The following GABRA1 variants were observed in gnomAD, a reference collection of about 807,000 sequenced individuals.
GABRA1 encodes gamma-aminobutyric acid receptor subunit alpha-1.
A neutral mutation model predicts 48.9 loss-of-function variants in GABRA1; 9 were observed. The observed-to-expected ratio is 0.18, with a 90% CI of 0.11 to 0.32. The LOEUF is 0.32. Among genes scored for constraint, GABRA1 ranks in the 10% least tolerant of loss-of-function variants. The probability of loss-of-function intolerance (pLI) is 1.00; values close to 1 mark genes in which losing one functional copy is unlikely to be tolerated. For missense variants in GABRA1, 285 were observed against 553.8 expected (o/e 0.51, Z 4.87); for synonymous variants, 210 against 198.7 (o/e 1.06, Z -0.48).
intron 6 of GABRA1, among the ~76,000 whole-genome samples, chr5:161,875,949 A>G (rs1366253527): frequency 2.0e-5 from 3 of 152,148 alleles, no homozygotes; most frequent in Non-Finnish European, 2.9e-5. Flanking sequence ...CATGGATAAT[A>G]TTTTCCTCTC....
At chr5:161,861,106 A>C (rs2113336370) in intron 3 of GABRA1, among the ~76,000 whole-genome samples, 1 of 151,882 alleles carries the variant, frequency 6.6e-6, no homozygotes. Context: ...GTATTGGCAT[A>C]TTTCTGTAAG....
rs551178999 is a variant in GABRA1 at position 161,875,914 on chromosome 5, A to G, written c.559+272A>G. Among the ~76,000 whole-genome samples, 170 of 152,310 alleles carry G rather than the reference A, an allele frequency of 1.1e-3. 1 individual carries two copies. Among genetic ancestry groups the G allele is most frequent in the African/African-American group, 4.0e-3 (166 of 41,586 alleles). On this transcript the variant is annotated intron_variant, in intron 6 of 9. Coordinates refer to ENST00000393943, the MANE Select transcript of GABRA1 (RefSeq NM_001127644.2). ...GCTGAATTTGTATTTATAGAAAAAG[A>G]AGTGAAGTATGGATGCTTCTACCTC...
intron 6 of GABRA1, among the ~76,000 whole-genome samples, chr5:161,881,240 TA>T (rs1215302246): frequency 6.6e-6 from 1 of 152,152 alleles, no homozygotes; most frequent in Non-Finnish European, 1.5e-5. Context: ...TTGCTTTTTC[TA>T]AAGTGATATT....
chr5:161,890,084 G>A (rs759227519), intron 7 of GABRA1, among the ~76,000 whole-genome samples: 2 of 151,884 alleles, frequency 1.3e-5, no homozygotes, highest in Non-Finnish European at 2.9e-5. Context: ...GAAACAATAA[G>A]ACTCTCCTGC....
intron 4 of GABRA1, among the ~76,000 whole-genome samples, chr5:161,871,194 T>C (rs954967653): frequency 1.3e-5 from 2 of 152,108 alleles, no homozygotes; most frequent in African/African-American, 4.8e-5. Flanking sequence ...CTAGTTTCAG[T>C]TTAGTTTATA....
chr5:161,872,788 G>T (rs1754179616), intron 4 of GABRA1, among the ~76,000 whole-genome samples: 1 of 152,032 alleles, frequency 6.6e-6, no homozygotes, highest in Non-Finnish European at 1.5e-5. Flanking sequence ...TTTTAAAATT[G>T]TGATATATTC....
chr5:161,862,423 T>C (rs1757898625), intron 3 of GABRA1, among the ~76,000 whole-genome samples: 1 of 151,928 alleles, frequency 6.6e-6, no homozygotes, highest in Non-Finnish European at 1.5e-5. Context: ...CTCTCCTTAA[T>C]GTATTTCCCT....
At chr5:161,855,949 T>G (rs2113314314) in intron 3 of GABRA1, among the ~76,000 whole-genome samples, 1 of 151,506 alleles carries the variant, frequency 6.6e-6, no homozygotes, top group South Asian at 2.1e-4. Flanking sequence ...GTGCATCATC[T>G]TCAATTTATT....
upstream of GABRA1, chr5:161,847,932 C>G (rs560080655): frequency 1.3e-5 from 2 of 152,058 alleles, no homozygotes; most frequent in African/African-American, 4.8e-5. Context: ...GCCGCTCCCC[C>G]CAAAAAGAGA....
At chr5:161,852,843 A>T (rs1405344306) in intron 2 of GABRA1, among the ~76,000 whole-genome samples, 1 of 151,972 alleles carries the variant, frequency 6.6e-6, no homozygotes, top group Non-Finnish European at 1.5e-5. Flanking sequence ...TTTTGCCGAT[A>T]CGAAATTAAT....
In GABRA1 at chr5:161,897,527, T is replaced by G; in HGVS notation, c.*105T>G. On this transcript the variant is annotated 3_prime_UTR_variant, in exon 10 of 10. Transcript: ENST00000393943. ...TTTATTGCCTCTGTCTTAAAGAATT[T>G]GAAAGTTTCCTTATTTTCATAATTC... 5.3e-6 allele frequency: 6 copies of G among 1,127,256 alleles called. No homozygotes were observed. Among genetic ancestry groups the G allele is most frequent in the Non-Finnish European group, 7.9e-6 (6 of 763,866 alleles). 69.8% of individuals were successfully genotyped at this position (1,127,256 alleles called of 1,614,324 possible). A position where few individuals can be genotyped will look rare whatever the true frequency, so the allele number is the denominator to read the frequency against.
At chr5:161,853,891 G>C (rs955753491) in intron 2 of GABRA1, among the ~76,000 whole-genome samples, 1 of 151,652 alleles carries the variant, frequency 6.6e-6, no homozygotes, top group Non-Finnish European at 1.5e-5. Context: ...GCATTGCAAC[G>C]TAATAAACAT....
chr5:161,851,481 ATCAT>A (rs1255484477), intron 2 of GABRA1, among the ~76,000 whole-genome samples: 3 of 152,280 alleles, frequency 2.0e-5, no homozygotes, highest in Admixed American at 2.0e-4. Flanking sequence ...ATAAAGCTTA[ATCAT>A]AGTCAAAATA....
intron 4 of GABRA1, among the ~76,000 whole-genome samples, chr5:161,872,553 G>A (rs558936379): frequency 6.6e-6 from 1 of 152,108 alleles, no homozygotes; most frequent in East Asian, 1.9e-4. Context: ...TAATGTGTAG[G>A]ATAATTGAAA....
At chr5:161,866,908 G>T (rs1020499343) in intron 4 of GABRA1, among the ~76,000 whole-genome samples, 2 of 152,100 alleles carry the variant, frequency 1.3e-5, no homozygotes, top group African/African-American at 4.8e-5. Context: ...AACTAAGAAT[G>T]CAGATTTCTG....
intron 6 of GABRA1, among the ~76,000 whole-genome samples, chr5:161,878,953 A>G (rs183298036): frequency 6.6e-6 from 1 of 152,330 alleles, no homozygotes; most frequent in Non-Finnish European, 1.5e-5. Flanking sequence ...CATTTTGTTC[A>G]TGTGGCTCAT....
intron 7 of GABRA1, among the ~76,000 whole-genome samples, chr5:161,887,799 T>G (rs974672301): frequency 1.8e-4 from 28 of 152,120 alleles, no homozygotes; most frequent in Admixed American, 8.5e-4. Context: ...ACTGTAAATG[T>G]CCATAGAAAT....
rs770530140 is a variant in GABRA1 at position 161,850,787 on chromosome 5, A to T, written c.-15-9A>T. ...AGAGACATTGATCTCTACTTATTCT[A>T]CTTTTCAGCTGCTCCAGCCCGCGAT... On this transcript the variant is annotated splice_polypyrimidine_tract_variant and intron_variant, in intron 1 of 9. Coordinates refer to ENST00000393943, the MANE Select transcript of GABRA1 (RefSeq NM_001127644.2). 9 of 1,611,430 alleles carry T rather than the reference A, an allele frequency of 5.6e-6. No homozygotes were observed. Among genetic ancestry groups the T allele is most frequent in the African/African-American group, 1.3e-5 (1 of 74,790 alleles).
intron 7 of GABRA1, among the ~76,000 whole-genome samples, chr5:161,884,527 T>A (rs965245695): frequency 2.0e-5 from 3 of 152,162 alleles, no homozygotes; most frequent in Non-Finnish European, 4.4e-5. Context: ...AATTAATGAA[T>A]AAAAAGTAAA....
Sources: gnomAD v4.1 joint callset for allele counts (sites outside exome capture counted in the v4.1 genomes callset) on GRCh38, gnomAD v4.1.1 for gene constraint, MANE v1.5 for transcripts, NCBI Gene and HGNC (gene_info 2026-07-23, HGNC 2026-07-21) for gene names.